DHRSX: variants seen among roughly 807,000 people sequenced by gnomAD.
DHRSX encodes dehydrogenase/reductase X-linked.
DHRSX carries 31 observed loss-of-function variants against 34.0 expected under a neutral mutation model. The ratio of observed to expected loss-of-function variants is 0.91; its 90% CI spans 0.69 to 1.23. The LOEUF (loss-of-function observed/expected upper bound fraction) is 1.23. Among genes scored for constraint, DHRSX ranks in the 50% most tolerant of loss-of-function variants. DHRSX has a pLI of 0.00. For synonymous variants in DHRSX, 201 were observed against 183.8 expected (o/e 1.09, Z -0.76); for missense variants, 414 against 428.1 (o/e 0.97, Z 0.29).
At position 2,225,143 on chromosome X, in the gene DHRSX, CAT is replaced by C. The variant is rs758417000; in HGVS notation, c.805-3916_805-3915del. ...ACACTCATTCACATGCACTCATTCA[CAT>C]GTACACACATTCACATGCACTCACA... On this transcript the variant is annotated intron_variant, in intron 6 of 6. Coordinates refer to ENST00000334651, the MANE Select transcript of DHRSX (RefSeq NM_145177.3). 1.6e-3 allele frequency among the ~76,000 whole-genome samples: 240 copies of C among 149,338 alleles called. 1 individual carries two copies. Among genetic ancestry groups the C allele is most frequent in the African/African-American group, 5.6e-3 (228 of 40,542 alleles).
chrX:2,479,526 ACCAGGGGACCG>A (rs2044737386), intron 1 of DHRSX, among the ~76,000 whole-genome samples: 1 of 147,370 alleles, frequency 6.8e-6, no homozygotes, highest in South Asian at 2.2e-4. Flanking sequence ...TAAGAATGCG[ACCAGGGGACCG>A]CCACATGTGC....
intron 5 of DHRSX, among the ~76,000 whole-genome samples, chrX:2,262,333 C>T (rs1293952289): frequency 6.6e-6 from 1 of 152,214 alleles, no homozygotes; most frequent in Non-Finnish European, 1.5e-5. Flanking sequence ...AGCATACACA[C>T]GTCACCTGCG....
Position 2,356,881 on chromosome X carries a change from CTGTTTA to C in DHRSX, c.286+51858_286+51863del, listed in dbSNP as rs773815503. Among the ~76,000 whole-genome samples the C allele has an allele frequency of 2.6e-3, 398 of 152,206 alleles. 1 individual carries two copies. The highest frequency in any genetic ancestry group is 8.5e-3 in the African/African-American group (353 of 41,538). ...TAGAAAATATGAATGAGTGAATCAC[CTGTTTA>C]TGTTATTGGCAAGGGTTCCTGTAAA... is the stretch of plus-strand genomic sequence containing the variant. On this transcript the variant is annotated intron_variant, in intron 3 of 6. Coordinates refer to ENST00000334651, the MANE Select transcript of DHRSX (RefSeq NM_145177.3).
intron 3 of DHRSX, among the ~76,000 whole-genome samples, chrX:2,340,620 A>G (rs2042629226): frequency 6.6e-6 from 1 of 152,176 alleles, no homozygotes; most frequent in Non-Finnish European, 1.5e-5. Flanking sequence ...ATTCAACGTC[A>G]GGCGACTGGA....
chrX:2,330,143 A>G, intron 3 of DHRSX, among the ~76,000 whole-genome samples: 5 of 119,598 alleles, frequency 4.2e-5, no homozygotes, highest in South Asian at 3.3e-4. Context: ...AGGAAGGAGG[A>G]GGAGGAGAAA....
At chrX:2,498,625 G>GGAA (rs1556035826) in intron 1 of DHRSX, among the ~76,000 whole-genome samples, 7 of 128,758 alleles carry the variant, frequency 5.4e-5, no homozygotes, top group Admixed American at 2.4e-4. Context: ...CAGTAAATGG[G>GGAA]AAAAAAAAAA....
chrX:2,471,780 AAAC>A lies in DHRSX; in HGVS notation c.109+29034_109+29036del, dbSNP rs1236758428. ...TGCACATCGCTTCATCCATTTCTCA[AAAC>A]AACGCCATGTAAACTGGATAAACAA... On this transcript the variant is annotated intron_variant, in intron 1 of 6. Coordinates refer to ENST00000334651, the MANE Select transcript of DHRSX (RefSeq NM_145177.3). Among the ~76,000 whole-genome samples, 11 of 152,100 alleles carry A rather than the reference AAAC, an allele frequency of 7.2e-5. 1 individual carries two copies. Among genetic ancestry groups the A allele is most frequent in the Non-Finnish European group, 1.5e-4 (10 of 68,028 alleles).
intron 3 of DHRSX, among the ~76,000 whole-genome samples, chrX:2,314,225 G>GGGGA (rs2042200349): frequency 5.8e-5 from 1 of 17,182 alleles, no homozygotes; most frequent in Non-Finnish European, 1.0e-4. Context: ...AAGGAGGGAA[G>GGGGA]GAAGGGAGGG....
At chrX:2,361,819 T>C (rs2042937654) in intron 3 of DHRSX, among the ~76,000 whole-genome samples, 1 of 152,216 alleles carries the variant, frequency 6.6e-6, no homozygotes, top group Non-Finnish European at 1.5e-5. Flanking sequence ...TTTAATGGAA[T>C]AGGCAGAAAA....
intron 3 of DHRSX, among the ~76,000 whole-genome samples, chrX:2,344,857 G>T (rs2042681525): frequency 9.9e-6 from 1 of 101,110 alleles, no homozygotes. Context: ...AGAACTTAAA[G>T]TATATAAAAA....
At chrX:2,449,776 C>T (rs1310682219) in intron 1 of DHRSX, among the ~76,000 whole-genome samples, 2 of 152,144 alleles carry the variant, frequency 1.3e-5, no homozygotes, top group Non-Finnish European at 2.9e-5. Flanking sequence ...ACCTCTGCCT[C>T]CTGAGTAGCT....
chrX:2,285,796 T>C (rs2041798174), intron 4 of DHRSX, among the ~76,000 whole-genome samples: 1 of 152,140 alleles, frequency 6.6e-6, no homozygotes, highest in Non-Finnish European at 1.5e-5. Flanking sequence ...CAATCTCATT[T>C]GCACACAACG....
intron 1 of DHRSX, among the ~76,000 whole-genome samples, chrX:2,448,927 G>A (rs1183829575): frequency 1.3e-5 from 2 of 152,134 alleles, no homozygotes; most frequent in Non-Finnish European, 2.9e-5. Context: ...GGTGGCTCAC[G>A]CCTGTCATCC....
At chrX:2,301,674 T>A (rs2042011745) in intron 3 of DHRSX, among the ~76,000 whole-genome samples, 1 of 152,146 alleles carries the variant, frequency 6.6e-6, no homozygotes, top group Non-Finnish European at 1.5e-5. Flanking sequence ...AGTTTCACCC[T>A]GTAGCTCAGG....
At chrX:2,400,124 TA>T (rs2043468289) in intron 3 of DHRSX, among the ~76,000 whole-genome samples, 1 of 152,190 alleles carries the variant, frequency 6.6e-6, no homozygotes, top group South Asian at 2.1e-4. Flanking sequence ...TTCTCGGGAA[TA>T]AACATAATTA....
intron 3 of DHRSX, among the ~76,000 whole-genome samples, chrX:2,342,726 G>A (rs1474042698): frequency 4.6e-5 from 7 of 152,006 alleles, no homozygotes; most frequent in East Asian, 1.9e-4. Flanking sequence ...TCATAGCATC[G>A]ACATAACAAA....
chrX:2,415,198 TACA>T (rs1008014566), intron 2 of DHRSX, among the ~76,000 whole-genome samples: 1 of 150,592 alleles, frequency 6.6e-6, no homozygotes, highest in African/African-American at 2.4e-5. Flanking sequence ...CATAACCTAA[TACA>T]ACTAGATCTC....
At chrX:2,489,301 G>A in intron 1 of DHRSX, 1 of 1,613,964 alleles carries the variant, frequency 6.2e-7, no homozygotes, top group Non-Finnish European at 8.5e-7. Flanking sequence ...GGTCCAGGAA[G>A]GTGGCCACGT....
At chrX:2,476,370 C>T (rs192726870) in intron 1 of DHRSX, among the ~76,000 whole-genome samples, 69 of 151,028 alleles carry the variant, frequency 4.6e-4, no homozygotes, top group African/African-American at 1.6e-3. Context: ...TGCACTCCAG[C>T]CTTGGCAACA....
Sources: gnomAD v4.1 joint callset for allele counts (sites outside exome capture counted in the v4.1 genomes callset) on GRCh38, gnomAD v4.1.1 for gene constraint, MANE v1.5 for transcripts, NCBI Gene and HGNC (gene_info 2026-07-23, HGNC 2026-07-21) for gene names.